The following BAZ2B variants were observed in gnomAD, a reference collection of about 807,000 sequenced individuals.
The protein encoded by BAZ2B is bromodomain adjacent to zinc finger domain protein 2B.
A neutral mutation model predicts 246.0 loss-of-function variants in BAZ2B; 91 were observed. The observed-to-expected ratio is 0.37, with a 90% CI of 0.31 to 0.44. BAZ2B has a LOEUF of 0.44. Among genes scored for constraint, BAZ2B ranks in the 20% least tolerant of loss-of-function variants. The probability of loss-of-function intolerance (pLI) is 1.00; values close to 1 mark genes in which losing one functional copy is unlikely to be tolerated. For synonymous variants in BAZ2B, 855 were observed against 860.0 expected (o/e 0.99, Z 0.10); for missense variants, 2,332 against 2,533.7 (o/e 0.92, Z 1.71).
At chr2:159,343,037 CA>C (rs1433416798) in intron 31 of BAZ2B, among the ~76,000 whole-genome samples, 19 of 152,250 alleles carry the variant, frequency 1.2e-4, no homozygotes, top group African/African-American at 4.6e-4. Flanking sequence ...CTGTAGTAAT[CA>C]GAACAGCATG....
intron 27 of BAZ2B, among the ~76,000 whole-genome samples, chr2:159,351,599 C>T (rs1444417969): frequency 3.9e-5 from 6 of 152,204 alleles, no homozygotes; most frequent in Non-Finnish European, 8.8e-5. Context: ...CATCTGTGTG[C>T]CTACACCCTC....
At chr2:159,376,677 C>T (rs951202361) in intron 25 of BAZ2B, among the ~76,000 whole-genome samples, 1 of 152,084 alleles carries the variant, frequency 6.6e-6, no homozygotes, top group African/African-American at 2.4e-5. Flanking sequence ...TGCAAAAATA[C>T]AGTTCAATCA....
intron 2 of BAZ2B, among the ~76,000 whole-genome samples, chr2:159,552,386 T>C (rs553110691): frequency 1.3e-5 from 2 of 152,324 alleles, no homozygotes; most frequent in African/African-American, 2.4e-5. Flanking sequence ...CTGAACTTTA[T>C]AGTAGATTTC....
the BAZ2B span, among the ~76,000 whole-genome samples, chr2:159,704,267 C>G: frequency 2.0e-5 from 3 of 152,066 alleles, no homozygotes; most frequent in Non-Finnish European, 4.4e-5. Context: ...TTTTAAATAA[C>G]TGGAGTATAT....
intron 16 of BAZ2B, 135 bp downstream of exon 16, chr2:159,404,714 T>C (rs997085588): frequency 2.3e-5 from 17 of 752,364 alleles, no homozygotes; most frequent in African/African-American, 1.8e-4. Context: ...TAATAGAAGA[T>C]AGCAACTTTC....
chr2:159,475,482 G>T (rs1429481175), intron 3 of BAZ2B, among the ~76,000 whole-genome samples: 2 of 151,930 alleles, frequency 1.3e-5, no homozygotes, highest in Non-Finnish European at 1.5e-5. Context: ...TAGCTTCATC[G>T]CATTGGTTTA....
At chr2:159,550,426 G>A (rs1400355843) in intron 2 of BAZ2B, among the ~76,000 whole-genome samples, 1 of 152,174 alleles carries the variant, frequency 6.6e-6, no homozygotes, top group East Asian at 1.9e-4. Context: ...GGGCGAAAAA[G>A]AGGATGTGCA....
At chr2:159,573,734 G>A (rs766466955) in intron 1 of BAZ2B, among the ~76,000 whole-genome samples, 2 of 152,122 alleles carry the variant, frequency 1.3e-5, no homozygotes, top group African/African-American at 4.8e-5. Flanking sequence ...GAAAATATTT[G>A]TATATCATAT....
intron 2 of BAZ2B, among the ~76,000 whole-genome samples, chr2:159,506,858 A>G (rs1289081716): frequency 2.6e-5 from 4 of 152,180 alleles, no homozygotes; most frequent in Admixed American, 2.0e-4. Flanking sequence ...AGGATAAGAA[A>G]AAGGAAAAGA....
chr2:159,681,445 C>CA, the BAZ2B span, among the ~76,000 whole-genome samples: 124 of 138,812 alleles, frequency 8.9e-4, no homozygotes, highest in East Asian at 2.8e-3. Context: ...ACAGTTTGAC[C>CA]AAAAAAAAAA....
At chr2:159,636,260 C>T in the BAZ2B span, among the ~76,000 whole-genome samples, 1 of 152,090 alleles carries the variant, frequency 6.6e-6, no homozygotes, top group Non-Finnish European at 1.5e-5. Flanking sequence ...TCCTGAAAGA[C>T]GCATTGAGGA....
intron 1 of BAZ2B, among the ~76,000 whole-genome samples, chr2:159,577,914 T>C (rs1002045932): frequency 3.9e-5 from 6 of 152,216 alleles, no homozygotes; most frequent in Admixed American, 3.9e-4. Context: ...ACTAGTTCAT[T>C]TATGTTAGAG....
chr2:159,597,509 T>C (rs1313488613), intron 1 of BAZ2B, among the ~76,000 whole-genome samples: 2 of 152,248 alleles, frequency 1.3e-5, no homozygotes, highest in Non-Finnish European at 2.9e-5. Context: ...TCCTCAGGTA[T>C]GAAACAGGTA....
At chr2:159,335,350 C>T (rs1347901065) in intron 33 of BAZ2B, among the ~76,000 whole-genome samples, 1 of 151,776 alleles carries the variant, frequency 6.6e-6, no homozygotes, top group Admixed American at 6.6e-5. Context: ...AGTTCGAGAC[C>T]AGCCTGGCCA....
At chr2:159,443,803 AAC>A (rs1480796317) in intron 6 of BAZ2B, among the ~76,000 whole-genome samples, 1 of 152,170 alleles carries the variant, frequency 6.6e-6, no homozygotes, top group Non-Finnish European at 1.5e-5. Context: ...TTCTCCTAGT[AAC>A]AGTTTTTAGT....
intron 2 of BAZ2B, among the ~76,000 whole-genome samples, chr2:159,554,469 C>T (rs1204902992): frequency 2.6e-5 from 4 of 151,828 alleles, no homozygotes; most frequent in Non-Finnish European, 5.9e-5. Flanking sequence ...AGCTAAAATG[C>T]TGCCTCAGGA....
At chr2:159,594,406 C>CA (rs575668794) in intron 1 of BAZ2B, among the ~76,000 whole-genome samples, 6,811 of 140,118 alleles carry the variant, frequency 0.049, 220 homozygotes, top group Non-Finnish European at 0.076. Flanking sequence ...GACTCCGTCT[C>CA]AAAAAAAAAA....
intron 2 of BAZ2B, among the ~76,000 whole-genome samples, chr2:159,501,013 TA>T (rs981044946): frequency 2.5e-4 from 36 of 144,392 alleles, no homozygotes; most frequent in African/African-American, 9.2e-4. Flanking sequence ...CTAATGCCTA[TA>T]ATCCCAGAAC....
chr2:159,711,953 G>T, the BAZ2B span: 1 of 152,182 alleles, frequency 6.6e-6, no homozygotes, highest in Non-Finnish European at 1.5e-5. Flanking sequence ...TGGACAAACA[G>T]GCTCCAACTC....
Sources: allele counts gnomAD v4.1 joint callset (sites outside exome capture counted in the v4.1 genomes callset), GRCh38; gene constraint gnomAD v4.1.1; transcripts MANE v1.5; gene names NCBI Gene and HGNC (gene_info 2026-07-23, HGNC 2026-07-21).